Variants in FBN1 observed in about 807,000 individuals in gnomAD.
The protein encoded by FBN1 is fibrillin-1.
In FBN1, 29 loss-of-function variants were observed where a neutral mutation model predicts 365.1. The ratio of observed to expected loss-of-function variants is 0.08; its 90% CI spans 0.06 to 0.11. FBN1 has a LOEUF of 0.11. FBN1 is among the 10% of genes least tolerant of loss of function. The pLI is 1.00. For missense variants in FBN1, 2,476 were observed against 3,703.2 expected (o/e 0.67, Z 8.60); for synonymous variants, 1,210 against 1,270.5 (o/e 0.95, Z 1.01).
At chr15:48,609,453 G>C (rs536667607) in intron 4 of FBN1, among the ~76,000 whole-genome samples, 70 of 152,356 alleles carry the variant, frequency 4.6e-4, no homozygotes, top group South Asian at 4.1e-3. Flanking sequence ...ACTCATAGGA[G>C]AGTGGGAAAG....
rs78091893 is a variant in FBN1 at position 48,525,467 on chromosome 15, A to G, written c.988+663T>C. On this transcript the variant is annotated intron_variant, in intron 9 of 65. Coordinates refer to ENST00000316623, the MANE Select transcript of FBN1 (RefSeq NM_000138.5). ...GAAGTCTAACACTCACAGCAGATAA[A>G]GTGAAATTGCTATGCCTAGAATGTG... Among the ~76,000 whole-genome samples, 1,012 of 152,294 alleles carry G rather than the reference A, an allele frequency of 6.6e-3. 16 individuals are homozygous for G. The highest frequency in any genetic ancestry group is 0.023 in the African/African-American group (964 of 41,558).
At chr15:48,634,902 C>CAA (rs1406635095) in intron 2 of FBN1, among the ~76,000 whole-genome samples, 1 of 96,438 alleles carries the variant, frequency 1.0e-5, no homozygotes, top group Admixed American at 1.0e-4. Flanking sequence ...CACACACACA[C>CAA]AAAATGAAAC....
chr15:48,428,427 G>A lies in FBN1; in HGVS notation c.6916C>T (p.Arg2306Cys), dbSNP rs1318405523. Residue 2306 changes from arginine (R) to cysteine (C), a missense_variant, in exon 57 of 66, where the codon CGC (arginine) becomes TGC (cysteine). Arg to Cys is a radical substitution (Grantham distance 180). Transcript: ENST00000316623. ...QTKPGICENG[R>C]CLNTRGSYTC... ...TAGCTCCCACGGGTGTTGAGGCAGCGCCCATTCTCACAGATCCCTGGCTTC... is the reference window on the plus strand; with the variant it reads ...TAGCTCCCACGGGTGTTGAGGCAGCACCCATTCTCACAGATCCCTGGCTTC... 1.9e-6 allele frequency: 3 copies of A among 1,613,804 alleles called. No homozygotes were observed. Among genetic ancestry groups the A allele is most frequent in the African/African-American group, 1.3e-5 (1 of 74,894 alleles).
intron 2 of FBN1, among the ~76,000 whole-genome samples, chr15:48,617,549 A>G (rs1441592400): frequency 6.6e-6 from 1 of 152,060 alleles, no homozygotes; most frequent in Non-Finnish European, 1.5e-5. Flanking sequence ...CCACTTCACC[A>G]CTGTATGTTA....
At chr15:48,421,450 G>A in intron 62 of FBN1, 108 bp downstream of exon 62, 1 of 1,373,682 alleles carries the variant, frequency 7.3e-7, no homozygotes, top group East Asian at 2.5e-5. Flanking sequence ...TGCCCCCCTG[G>A]GCTCAGATCT....
chr15:48,631,400 A>G (rs936941850), intron 2 of FBN1, among the ~76,000 whole-genome samples: 1 of 152,194 alleles, frequency 6.6e-6, no homozygotes, highest in Non-Finnish European at 1.5e-5. Flanking sequence ...GCACCTAGAG[A>G]GGACAGTGAT....
At chr15:48,503,638 A>G in intron 17 of FBN1, 149 bp downstream of exon 17, 1 of 920,996 alleles carries the variant, frequency 1.1e-6, no homozygotes, top group Admixed American at 1.9e-5. Flanking sequence ...CTGTGACTAG[A>G]CACTGGCTGG....
In FBN1 at chr15:48,644,939, G is replaced by T; in HGVS notation, c.-170C>A. On this transcript the variant is annotated 5_prime_UTR_variant, in exon 2 of 66. Transcript: ENST00000316623. ...TCCAGGCGCTGCTCCCACTTCAGGC[G>T]GCCCCTGCCAGCTGCAACACAGAGA... 1.9e-6 allele frequency: 1 copy of T among 521,704 alleles called. No individual in the cohort carries two copies. Among genetic ancestry groups the T allele is most frequent in the Non-Finnish European group, 2.9e-6 (1 of 345,370 alleles). The allele number at this position is 521,704 out of a possible 1,614,324, so 32.3% of individuals were successfully genotyped here. A position where few individuals can be genotyped will look rare whatever the true frequency, so the allele number is the denominator to read the frequency against.
At chr15:48,413,786 A>G (rs2042881732) in intron 64 of FBN1, among the ~76,000 whole-genome samples, 1 of 152,208 alleles carries the variant, frequency 6.6e-6, no homozygotes, top group African/African-American at 2.4e-5. Flanking sequence ...GCTCTTTAGA[A>G]CTAATTTTCC....
intron 6 of FBN1, among the ~76,000 whole-genome samples, chr15:48,593,096 T>C (rs2044490926): frequency 6.6e-6 from 1 of 152,210 alleles, no homozygotes; most frequent in African/African-American, 2.4e-5. Context: ...TATATGACTA[T>C]TATGATTCAT....
intron 2 of FBN1, among the ~76,000 whole-genome samples, chr15:48,635,446 AGAAAAATAG>A (rs1890074746): frequency 6.6e-6 from 1 of 152,226 alleles, no homozygotes; most frequent in African/African-American, 2.4e-5. Flanking sequence ...TCCATTTATA[AGAAAAATAG>A]TACAGTTCAG....
chr15:48,566,533 A>C (rs538896982), intron 6 of FBN1, among the ~76,000 whole-genome samples: 5 of 152,360 alleles, frequency 3.3e-5, no homozygotes, highest in South Asian at 2.1e-4. Context: ...ATCATCCAAA[A>C]TTTAGTAAAG....
intron 60 of FBN1, among the ~76,000 whole-genome samples, chr15:48,424,523 G>A (rs2042964652): frequency 6.6e-6 from 1 of 152,146 alleles, no homozygotes; most frequent in Non-Finnish European, 1.5e-5. Context: ...CAAGTAAGTG[G>A]AAGAACTTAA....
At chr15:48,522,911 C>T (rs1009862005) in intron 9 of FBN1, among the ~76,000 whole-genome samples, 1 of 152,140 alleles carries the variant, frequency 6.6e-6, no homozygotes, top group Non-Finnish European at 1.5e-5. Context: ...AATAGTTTCA[C>T]CAAAGAGGCA....
At chr15:48,420,839 C>T in intron 62 of FBN1, 33 bp from the exon 63 acceptor site, 1 of 1,611,936 alleles carries the variant, frequency 6.2e-7, no homozygotes, top group Non-Finnish European at 8.5e-7. Context: ...ATGATGCCAA[C>T]TCAACATCTC....
chr15:48,476,214 C>A (rs905089096), intron 32 of FBN1, among the ~76,000 whole-genome samples: 2 of 152,180 alleles, frequency 1.3e-5, no homozygotes, highest in African/African-American at 4.8e-5. Flanking sequence ...ACAAATACTC[C>A]CAAGCAGGGC....
At chr15:48,614,622 C>T (rs1055746947) in intron 2 of FBN1, among the ~76,000 whole-genome samples, 1 of 152,136 alleles carries the variant, frequency 6.6e-6, no homozygotes, top group African/African-American at 2.4e-5. Context: ...AAGGAAAGGG[C>T]CCTAACTCCA....
In FBN1 at chr15:48,435,617, C is replaced by T. The variant is rs117271118; in HGVS notation, c.6497-904G>A. On this transcript the variant is annotated intron_variant, in intron 53 of 65. Transcript: ENST00000316623. Reference sequence around the variant, plus strand: ...GAAAAAAATATGTTTAGGTTATGACCGCTCTAAAACACAGGCGGAGAGAAC... The same window carrying T: ...GAAAAAAATATGTTTAGGTTATGACTGCTCTAAAACACAGGCGGAGAGAAC... Among the ~76,000 whole-genome samples the T allele has an allele frequency of 2.8e-3, 430 of 151,684 alleles. 13 individuals are homozygous for T. The East Asian group carries it at 0.068, about 24-fold the overall frequency.
At position 48,456,558 on chromosome 15, in the gene FBN1, G is replaced by T. The variant is rs1039908735; in HGVS notation, c.5422+79C>A. The T allele has an allele frequency of 3.6e-6, 5 of 1,388,356 alleles. No individual in the cohort carries two copies. The African/African-American group carries it at 7.1e-5, about 20-fold the overall frequency. 86.0% of individuals were successfully genotyped at this position (1,388,356 alleles called of 1,614,324 possible). On this transcript the variant is annotated intron_variant, in intron 44 of 65. Coordinates refer to ENST00000316623, the MANE Select transcript of FBN1 (RefSeq NM_000138.5). The stretch of plus-strand genomic sequence containing the variant: ...AATGCATTTCTGAAATTTCAATGTT[G>T]TGAAATTCGCCAAGTGTGTATCAAG...
Sources: allele counts gnomAD v4.1 joint callset (sites outside exome capture counted in the v4.1 genomes callset), GRCh38; gene constraint gnomAD v4.1.1; transcripts MANE v1.5; gene names NCBI Gene and HGNC (gene_info 2026-07-23, HGNC 2026-07-21).